APOB: variants seen among roughly 807,000 people sequenced by gnomAD.
APOB encodes apolipoprotein B-100.
In APOB, 153 loss-of-function variants were observed where a neutral mutation model predicts 314.1. The ratio of observed to expected loss-of-function variants is 0.49; its 90% CI spans 0.43 to 0.56. The LOEUF (loss-of-function observed/expected upper bound fraction) is 0.56, where lower values mean the gene tolerates loss of function less well. APOB is among the 20% of genes least tolerant of loss of function. The probability of loss-of-function intolerance (pLI) is 0.00; values close to 1 mark genes in which losing one functional copy is unlikely to be tolerated. For synonymous variants in APOB, 2,087 were observed against 2,036.4 expected (o/e 1.02, Z -0.67); for missense variants, 5,430 against 5,350.7 (o/e 1.01, Z -0.46).
chr2:21,011,653 A>G lies in APOB; in HGVS notation c.5215T>C (p.Ser1739Pro), dbSNP rs1282048791. Reference protein sequence around the residue: ...FKVSQEGLKLSNDMMGSYAEM... With the variant: ...FKVSQEGLKLPNDMMGSYAEM... The stretch of plus-strand genomic sequence containing the variant: ...GCATATGAGCCCATCATGTCATTTG[A>G]GAGCTTAAGTCCTTCTTGACTGACC... Residue 1739 changes from serine to proline, a missense_variant, in exon 26 of 29, where the codon TCA (serine) becomes CCA (proline). Ser to Pro is a moderately conservative substitution (Grantham distance 74). Coordinates refer to ENST00000233242, the MANE Select transcript of APOB (RefSeq NM_000384.3). The G allele has an allele frequency of 1.2e-6, 2 of 1,614,176 alleles. No individual in the cohort carries two copies. The highest frequency in any genetic ancestry group is 2.2e-5 in the South Asian group (2 of 91,076).
At position 21,005,493 on chromosome 2, in the gene APOB, G is replaced by A; in HGVS notation, c.11375C>T (p.Pro3792Leu). 6.2e-7 allele frequency: 1 copy of A among 1,614,006 alleles called. No individual in the cohort carries two copies. Among genetic ancestry groups the A allele is most frequent in the Non-Finnish European group, 8.5e-7 (1 of 1,179,954 alleles). Residue 3792 changes from proline to leucine, a missense_variant, in exon 26 of 29, where the codon CCT becomes CTT. By Grantham distance (98) the Pro-to-Leu change is moderately conservative. This residue lies in a region of APOB where 3,281 missense variants were observed against 3,171.0 expected (regional missense o/e 1.03). Transcript: ENST00000233242. ...NLPTLPEVKF[P>L]EVDVLTKYSQ... ...ATATTTTGTTAACACATCAACTTCA[G>A]GGAATTTTACCTCGGGGAGTGTTGG...
rs78341608 is a variant in APOB, at chr2:21,024,857, C to T, written c.2436+76G>A. ...CTTTTCGGGCTTGTGCAGCTGGGAT[C>T]GTAAGGGAGTCTGGGCGATCTAAAA... On this transcript the variant is annotated intron_variant, in intron 16 of 28. Transcript: ENST00000233242. 1,073 of 1,486,350 alleles carry T rather than the reference C, an allele frequency of 7.2e-4. 7 individuals are homozygous for T. The African/African-American group carries it at 0.013, about 18-fold the overall frequency. The allele number at this position is 1,486,350 out of a possible 1,614,324, so 92.1% of individuals were successfully genotyped here. A position where few individuals can be genotyped will look rare whatever the true frequency, so the allele number is the denominator to read the frequency against.
At position 21,025,044 on chromosome 2, in the gene APOB, G is replaced by A. The variant is rs1285239917; in HGVS notation, c.2325C>T (p.Ala775=). 1.9e-6 allele frequency: 3 copies of A among 1,614,252 alleles called. No homozygotes were observed. The South Asian group carries it at 3.3e-5, about 18-fold the overall frequency. Reference sequence around the variant, plus strand: ...GCTCCTCTCCCAAGATGCGGAGGTAGGCTCTGGCTTCCGGGACTTCTTTGG... The same window carrying A: ...GCTCCTCTCCCAAGATGCGGAGGTAAGCTCTGGCTTCCGGGACTTCTTTGG... The part of the protein sequence containing the change: ...LKSKEVPEAR[A]YLRILGEELG... The change falls in exon 16 of 29, where the codon GCC becomes GCT. Residue 775 remains alanine, a synonymous_variant. Coordinates refer to ENST00000233242, the MANE Select transcript of APOB (RefSeq NM_000384.3).
At chr2:21,035,443 G>A in intron 7 of APOB, 141 bp downstream of exon 7, 1 of 1,096,958 alleles carries the variant, frequency 9.1e-7, no homozygotes, top group East Asian at 2.5e-5. Context: ...CGCTTAAAAA[G>A]GGGGACAGGG....
rs577437570 is a variant in APOB, at chr2:21,009,351, G to A, written c.7517C>T (p.Ala2506Val). 5 of 1,614,092 alleles carry A rather than the reference G, an allele frequency of 3.1e-6. No individual in the cohort carries two copies. In the Admixed American group the frequency reaches 8.3e-5, roughly 27 times the overall value. The change falls in exon 26 of 29, where the codon GCT becomes GTT. Residue 2506 changes from alanine (A) to valine (V), a missense_variant. Around this residue, in one of 3 missense-constraint regions of APOB, gnomAD observed 3,281 missense variants for 3,171.0 expected, o/e 1.03. Transcript: ENST00000233242. Reference sequence around the variant, plus strand: ...CTCTCGGAATTTGGCCTTCATGTGAGCCAAAGATGCTGAACTTAAAGCCTC... The same window carrying A: ...CTCTCGGAATTTGGCCTTCATGTGAACCAAAGATGCTGAACTTAAAGCCTC... ...LQEALSSASL[A>V]HMKAKFRETL...
rs762714613 is a variant in APOB, at chr2:21,008,456, G to C, written c.8412C>G (p.Leu2804=). The C allele has an allele frequency of 1.2e-6, 2 of 1,614,100 alleles. No homozygotes were observed. The highest frequency in any genetic ancestry group is 1.7e-5 in the Admixed American group (1 of 60,014). ...GTGCATTTGCTTGAAAATCAAAATTGAGAACTTCTAATTTGGACTCTCCTT... is the reference window on the plus strand; with the variant it reads ...GTGCATTTGCTTGAAAATCAAAATTCAGAACTTCTAATTTGGACTCTCCTT... The part of the protein sequence containing the change: ...TAKGESKLEV[L]NFDFQANAQL... Residue 2804 remains leucine (L), a synonymous_variant, in exon 26 of 29, where the codon CTC becomes CTG. Transcript: ENST00000233242.
At chr2:21,023,191 A>G in intron 17 of APOB, 149 bp from the exon 18 acceptor site, 1 of 824,780 alleles carries the variant, frequency 1.2e-6, no homozygotes, top group Non-Finnish European at 2.0e-6. Context: ...GGAAGAAGGA[A>G]AGCGAGTTCT....
At position 21,008,831 on chromosome 2, in the gene APOB, C is replaced by T; in HGVS notation, c.8037G>A (p.Met2679Ile). The T allele has an allele frequency of 7.4e-6, 12 of 1,614,026 alleles. No homozygotes were observed. Among genetic ancestry groups the T allele is most frequent in the Non-Finnish European group, 1.0e-5 (12 of 1,179,934 alleles). ...KVKIIRTIDQMLNSELQWPVP... is the reference protein window; with the variant it reads ...KVKIIRTIDQILNSELQWPVP... ...CGGGCCACTGCAGCTCACTGTTCAGCATCTGGTCAATGGTTCTGATGATCT... is the reference window on the plus strand; with the variant it reads ...CGGGCCACTGCAGCTCACTGTTCAGTATCTGGTCAATGGTTCTGATGATCT... Residue 2679 changes from methionine to isoleucine, a missense_variant, in exon 26 of 29, where the codon ATG becomes ATA. Around this residue, in one of 3 missense-constraint regions of APOB, gnomAD observed 3,281 missense variants for 3,171.0 expected, o/e 1.03. Coordinates refer to ENST00000233242, the MANE Select transcript of APOB (RefSeq NM_000384.3).
At chr2:21,023,355 A>T in intron 17 of APOB, 170 bp downstream of exon 17, 1 of 751,262 alleles carries the variant, frequency 1.3e-6, no homozygotes, top group Non-Finnish European at 2.2e-6. Context: ...CTAGTGAGGT[A>T]GTGCATTCTG....
chr2:21,032,464 C>A lies in APOB; in HGVS notation c.1242G>T (p.Leu414=). Residue 414 remains leucine, a synonymous_variant, in exon 10 of 29, where the codon CTG becomes CTT. Transcript: ENST00000233242. The part of the protein sequence containing the change: ...NPLLIDVVTY[L]VALIPEPSAQ... ...CTGAGGGCTCGGGGATCAGGGCCAC[C>A]AGGTAGGTGACCACATCTATCAGAA... 1.2e-6 allele frequency: 2 copies of A among 1,614,166 alleles called. No homozygotes were observed. Among genetic ancestry groups the A allele is most frequent in the Non-Finnish European group, 1.7e-6 (2 of 1,180,028 alleles).
rs138999374 is a variant in APOB at position 21,033,384 on chromosome 2, G to A, written c.1039C>T (p.Leu347Phe). 6.2e-7 allele frequency: 1 copy of A among 1,614,162 alleles called. No homozygotes were observed. Among genetic ancestry groups the A allele is most frequent in the Non-Finnish European group, 8.5e-7 (1 of 1,180,006 alleles). The change falls in exon 9 of 29, where the codon CTC becomes TTC. Residue 347 changes from leucine (L) to phenylalanine (F), a missense_variant. This residue lies in a region of APOB where 2,085 missense variants were observed against 2,079.7 expected (regional missense o/e 1.00). Transcript: ENST00000233242. ...AGCTCAGTAACCAGCTTATTGAAGA[G>A]ATTAGCTCTCTGGATATTTTGCTCA... is the stretch of plus-strand genomic sequence containing the variant. ...ISEQNIQRAN[L>F]FNKLVTELRG...
chr2:21,005,325 G>A lies in APOB; in HGVS notation c.11543C>T (p.Ala3848Val), dbSNP rs1663097420. 1 of 1,614,088 alleles carries A rather than the reference G, an allele frequency of 6.2e-7. No homozygotes were observed. Among genetic ancestry groups the A allele is most frequent in the Non-Finnish European group, 8.5e-7 (1 of 1,179,964 alleles). The change falls in exon 26 of 29, where the codon GCA (alanine) becomes GTA (valine). Residue 3848 changes from alanine (A) to valine (V), a missense_variant. This residue lies in a region of APOB where 3,281 missense variants were observed against 3,171.0 expected (regional missense o/e 1.03). Coordinates refer to ENST00000233242, the MANE Select transcript of APOB (RefSeq NM_000384.3). ...GATGATGGTGGGCAACTCAAAGTCT[G>A]CGATCTTGTTGGCTACTGCATTTAG... is the stretch of plus-strand genomic sequence containing the variant. ...LDLNAVANKI[A>V]DFELPTIIVP... is the part of the protein sequence containing the mutation.
In APOB at chr2:21,044,023, C is replaced by A; in HGVS notation, c.-78G>T. The stretch of plus-strand genomic sequence containing the variant: ...GCCCTGGCTGGCTGGGCGGGCTCCT[C>A]AGCGGCAGCAACCGAGAAGGGCACT... On this transcript the variant is annotated 5_prime_UTR_variant, in exon 1 of 29. Coordinates refer to ENST00000233242, the MANE Select transcript of APOB (RefSeq NM_000384.3). 1.4e-6 allele frequency: 1 copy of A among 725,306 alleles called. No individual in the cohort carries two copies. Among genetic ancestry groups the A allele is most frequent in the Non-Finnish European group, 1.9e-6 (1 of 534,652 alleles). 44.9% of individuals were successfully genotyped at this position (725,306 alleles called of 1,614,324 possible). A position where few individuals can be genotyped will look rare whatever the true frequency, so the allele number is the denominator to read the frequency against.
chr2:21,010,132 C>G lies in APOB; in HGVS notation c.6736G>C (p.Ala2246Pro). The G allele has an allele frequency of 6.2e-7, 1 of 1,611,070 alleles. No individual in the cohort carries two copies. The highest frequency in any genetic ancestry group is 1.1e-5 in the South Asian group (1 of 90,996). Residue 2246 changes from alanine to proline, a missense_variant, in exon 26 of 29, where the codon GCA becomes CCA. Physicochemically the swap from Ala to Pro is conservative, Grantham distance 27. Around this residue, in one of 3 missense-constraint regions of APOB, gnomAD observed 3,281 missense variants for 3,171.0 expected, o/e 1.03. Coordinates refer to ENST00000233242, the MANE Select transcript of APOB (RefSeq NM_000384.3). ...IDFNKSGSST[A>P]SWIQNVDTKY... ...GTATCCACATTTTGAATCCAGGATG[C>G]AGTACTACTTCCACTTTTGTTAAAA...
At position 21,007,322 on chromosome 2, in the gene APOB, G is replaced by A. The variant is rs777648588; in HGVS notation, c.9546C>T (p.His3182=). The change falls in exon 26 of 29, where the codon CAC becomes CAT. Residue 3182 remains histidine, a synonymous_variant. Transcript: ENST00000233242. The part of the protein sequence containing the change: ...SVKAQYKKNK[H]RHSITNPLAV... ...CCAAAGGATTTGTGATGGAATGCCT[G>A]TGTTTGTTTTTCTTATACTGAGCTT... is the stretch of plus-strand genomic sequence containing the variant. 4.3e-6 allele frequency: 7 copies of A among 1,613,926 alleles called. No individual in the cohort carries two copies. The Admixed American group carries it at 8.3e-5, about 19-fold the overall frequency.
intron 16 of APOB, chr2:21,024,356 A>G (rs1049617782): frequency 1.3e-5 from 2 of 155,736 alleles, no homozygotes; most frequent in African/African-American, 4.8e-5. Context: ...AGTGGCTCAC[A>G]CCTGTTATTC....
Position 21,032,468 on chromosome 2 carries a change from T to C in APOB, c.1238A>G (p.Tyr413Cys), listed in dbSNP as rs1663904722. Residue 413 changes from tyrosine (Y) to cysteine (C), a missense_variant, in exon 10 of 29, where the codon TAC (tyrosine) becomes TGC (cysteine). Physicochemically the swap from Tyr to Cys is radical, Grantham distance 194 (BLOSUM62 -2). Transcript: ENST00000233242. Reference sequence around the variant, plus strand: ...GGGCTCGGGGATCAGGGCCACCAGGTAGGTGACCACATCTATCAGAAGGGG... The same window carrying C: ...GGGCTCGGGGATCAGGGCCACCAGGCAGGTGACCACATCTATCAGAAGGGG... ...ANPLLIDVVT[Y>C]LVALIPEPSA... 1 of 1,613,894 alleles carries C rather than the reference T, an allele frequency of 6.2e-7. No homozygotes were observed. Among genetic ancestry groups the C allele is most frequent in the Non-Finnish European group, 8.5e-7 (1 of 1,179,924 alleles).
chr2:21,012,752 G>C, intron 25 of APOB, 101 bp from the exon 26 acceptor site: 1 of 1,295,146 alleles, frequency 7.7e-7, no homozygotes, highest in Non-Finnish European at 1.1e-6. Flanking sequence ...ATTTTTCTGG[G>C]CCAATTGTGC....
At chr2:21,025,897 T>G (rs1346258059) in intron 15 of APOB, among the ~76,000 whole-genome samples, 3 of 152,222 alleles carry the variant, frequency 2.0e-5, no homozygotes, top group African/African-American at 7.2e-5. Context: ...TCATACAACC[T>G]ATTTCCCTCC....
Sources: gnomAD v4.1 joint callset for allele counts (sites outside exome capture counted in the v4.1 genomes callset) on GRCh38, gnomAD v4.1.1 for gene constraint, gnomAD v4.1.1 regional missense constraint, MANE v1.5 for transcripts, NCBI Gene and HGNC (gene_info 2026-07-23, HGNC 2026-07-21) for gene names.